CSTPP1: variants seen among roughly 807,000 people sequenced by gnomAD.
CSTPP1 encodes the protein UPF0705 protein C11orf49.
chr11:46,975,047 G>GC, the CSTPP1 span, among the ~76,000 whole-genome samples: 88,787 of 151,580 alleles, frequency 0.59, 29,950 homozygotes, highest in Non-Finnish European at 0.76. Flanking sequence ...CTTTGGGGAG[G>GC]CTGAGGCAGG....
At chr11:47,036,316 A>G in the CSTPP1 span, among the ~76,000 whole-genome samples, 3 of 88,736 alleles carry the variant, frequency 3.4e-5, no homozygotes, top group African/African-American at 9.9e-5. Flanking sequence ...GGGAGACTCT[A>G]AAATTGAAAA....
chr11:46,954,443 G>A, the CSTPP1 span, among the ~76,000 whole-genome samples: 1 of 152,138 alleles, frequency 6.6e-6, no homozygotes, highest in Admixed American at 6.5e-5. Context: ...CGGCTACCCT[G>A]GAGGCTGAGG....
At chr11:47,103,005 A>AG in the CSTPP1 span, among the ~76,000 whole-genome samples, 1 of 151,662 alleles carries the variant, frequency 6.6e-6, no homozygotes, top group Non-Finnish European at 1.5e-5. Flanking sequence ...AAAAAAAAAA[A>AG]AAGCCAGATT....
At chr11:47,003,409 G>C in the CSTPP1 span, among the ~76,000 whole-genome samples, 1 of 152,128 alleles carries the variant, frequency 6.6e-6, no homozygotes, top group Admixed American at 6.5e-5. Context: ...TAACACAAAG[G>C]TTCTTCTTCC....
the CSTPP1 span, among the ~76,000 whole-genome samples, chr11:46,996,047 CTT>C: frequency 2.0e-5 from 3 of 152,104 alleles, no homozygotes; most frequent in African/African-American, 7.2e-5. Flanking sequence ...TTCTTTGTCT[CTT>C]TTGATCTTTG....
the CSTPP1 span, among the ~76,000 whole-genome samples, chr11:46,998,178 C>T: frequency 6.6e-6 from 1 of 152,160 alleles, no homozygotes; most frequent in Non-Finnish European, 1.5e-5. Flanking sequence ...ATCTTGGAAC[C>T]TCCCCTTTTC....
the CSTPP1 span, among the ~76,000 whole-genome samples, chr11:47,009,560 G>A: frequency 6.6e-6 from 1 of 152,188 alleles, no homozygotes; most frequent in Non-Finnish European, 1.5e-5. Flanking sequence ...ACTTTGGGAG[G>A]CCAAGGCGGG....
At chr11:46,947,592 A>G in the CSTPP1 span, among the ~76,000 whole-genome samples, 1 of 152,202 alleles carries the variant, frequency 6.6e-6, no homozygotes, top group East Asian at 1.9e-4. Context: ...AAAAGTAAAT[A>G]TTGTTTGAGA....
chr11:47,123,782 C>T, the CSTPP1 span, among the ~76,000 whole-genome samples: 1 of 152,146 alleles, frequency 6.6e-6, no homozygotes, highest in African/African-American at 2.4e-5. Flanking sequence ...GGGTGGATCA[C>T]CTGAGGTCAG....
the CSTPP1 span, among the ~76,000 whole-genome samples, chr11:47,006,659 AC>A: frequency 6.7e-6 from 1 of 150,212 alleles, no homozygotes; most frequent in African/African-American, 2.5e-5. Context: ...GTCATGGCTC[AC>A]TGCAGCCTCT....
the CSTPP1 span, among the ~76,000 whole-genome samples, chr11:47,118,192 A>G: frequency 2.0e-5 from 3 of 151,944 alleles, no homozygotes; most frequent in Admixed American, 2.0e-4. Context: ...GCTGTATTTC[A>G]TTAATTTGAT....
At chr11:47,096,941 T>C in the CSTPP1 span, among the ~76,000 whole-genome samples, 4 of 152,264 alleles carry the variant, frequency 2.6e-5, no homozygotes, top group Non-Finnish European at 5.9e-5. Flanking sequence ...TCAGATCCTC[T>C]GTCCACAAGA....
At chr11:47,134,301 G>T in the CSTPP1 span, among the ~76,000 whole-genome samples, 1 of 152,066 alleles carries the variant, frequency 6.6e-6, no homozygotes, top group Non-Finnish European at 1.5e-5. Flanking sequence ...AGGTTCAAGA[G>T]ATTCTCCTGC....
At chr11:47,126,199 A>G in the CSTPP1 span, among the ~76,000 whole-genome samples, 1 of 152,174 alleles carries the variant, frequency 6.6e-6, no homozygotes, top group Admixed American at 6.5e-5. Flanking sequence ...CACTTAAAAT[A>G]GAAAGGGCCT....
the CSTPP1 span, among the ~76,000 whole-genome samples, chr11:47,108,012 C>T: frequency 6.6e-6 from 1 of 152,262 alleles, no homozygotes; most frequent in African/African-American, 2.4e-5. Flanking sequence ...CACACAGACG[C>T]TCAAAACCAT....
chr11:46,974,265 C>T, the CSTPP1 span, among the ~76,000 whole-genome samples: 1 of 152,100 alleles, frequency 6.6e-6, no homozygotes, highest in African/African-American at 2.4e-5. Context: ...CAGTGGCTCA[C>T]GCCTGTAATC....
the CSTPP1 span, among the ~76,000 whole-genome samples, chr11:47,029,477 T>C: frequency 6.1e-4 from 92 of 151,942 alleles, no homozygotes; most frequent in South Asian, 1.2e-3. Flanking sequence ...GGCATGGTGG[T>C]GGGCACCTGT....
At chr11:47,161,688 C>T in the CSTPP1 span, 1 of 1,545,624 alleles carries the variant, frequency 6.5e-7, no homozygotes, top group Non-Finnish European at 8.7e-7. Context: ...TCCCACCCAG[C>T]CCTTGGTGTG....
the CSTPP1 span, among the ~76,000 whole-genome samples, chr11:46,979,417 G>A: frequency 3.9e-5 from 6 of 152,190 alleles, no homozygotes; most frequent in South Asian, 4.1e-4. Flanking sequence ...TGTTTATGGC[G>A]TTGACTTGAT....
Sources: gnomAD v4.1 joint callset for allele counts (sites outside exome capture counted in the v4.1 genomes callset) on GRCh38, gnomAD v4.1.1 for gene constraint, MANE v1.5 for transcripts, NCBI Gene and HGNC (gene_info 2026-07-23, HGNC 2026-07-21) for gene names.